Variants in MGAT5 observed in about 807,000 individuals in gnomAD.
MGAT5 encodes alpha-1,6-mannosylglycoprotein 6-beta-N-acetylglucosaminyltransferase, also known as alpha-1,6-mannosylglycoprotein 6-beta-N-acetylglucosaminyltransferase A.
MGAT5 carries 30 observed loss-of-function variants against 94.3 expected under a neutral mutation model. The ratio of observed to expected loss-of-function variants is 0.32; its 90% CI spans 0.24 to 0.43. The LOEUF (loss-of-function observed/expected upper bound fraction) is 0.43, where lower values mean the gene tolerates loss of function less well. Among genes scored for constraint, MGAT5 ranks in the 20% least tolerant of loss-of-function variants. MGAT5 has a pLI of 1.00. For missense variants in MGAT5, 691 were observed against 905.5 expected, an observed-to-expected ratio of 0.76 and a Z score of 3.04; for synonymous variants, 310 against 322.9, an observed-to-expected ratio of 0.96 and a Z score of 0.43.
At chr2:134,439,675 C>T (rs930831761) in intron 14 of MGAT5, among the ~76,000 whole-genome samples, 6 of 151,862 alleles carry the variant, frequency 4.0e-5, no homozygotes, top group African/African-American at 1.5e-4. Flanking sequence ...CCAGCCTGGG[C>T]GACAGAACAA....
At chr2:134,156,426 C>T (rs901801607) in intron 1 of MGAT5, among the ~76,000 whole-genome samples, 7 of 152,144 alleles carry the variant, frequency 4.6e-5, no homozygotes, top group South Asian at 2.1e-4. Flanking sequence ...AGGTTGTTAA[C>T]GACTCCTGCC....
At chr2:134,280,195 A>T (rs1352842235) in intron 2 of MGAT5, among the ~76,000 whole-genome samples, 1 of 152,170 alleles carries the variant, frequency 6.6e-6, no homozygotes, top group Non-Finnish European at 1.5e-5. Flanking sequence ...CGGGGTGAAG[A>T]TGGTTTGAAA....
At chr2:134,302,171 A>G (rs1686059672) in intron 2 of MGAT5, among the ~76,000 whole-genome samples, 1 of 152,222 alleles carries the variant, frequency 6.6e-6, no homozygotes, top group Admixed American at 6.5e-5. Context: ...GCTTGGGCAT[A>G]TTCCAATAAG....
intron 2 of MGAT5, among the ~76,000 whole-genome samples, chr2:134,301,309 C>T (rs10210993): frequency 0.17 from 26,559 of 152,114 alleles, 3,433 homozygotes; most frequent in Non-Finnish European, 0.27. Flanking sequence ...CAGTTGTGAG[C>T]TGTTATGAAT....
At chr2:134,310,787 G>C (rs998157536) in intron 2 of MGAT5, among the ~76,000 whole-genome samples, 1 of 152,196 alleles carries the variant, frequency 6.6e-6, no homozygotes, top group Non-Finnish European at 1.5e-5. Context: ...TTCAATGGGA[G>C]ACTATATTCC....
intron 1 of MGAT5, among the ~76,000 whole-genome samples, chr2:134,260,286 T>C (rs7589146): frequency 0.094 from 14,311 of 152,210 alleles, 1,198 homozygotes; most frequent in African/African-American, 0.22. Context: ...GGAAGGAAGT[T>C]TTTTCCTTAA....
At chr2:134,346,153 C>G (rs1240058497) in intron 8 of MGAT5, among the ~76,000 whole-genome samples, 2 of 151,628 alleles carry the variant, frequency 1.3e-5, no homozygotes, top group East Asian at 3.9e-4. Flanking sequence ...TTGTAAACGG[C>G]AGACATCTGA....
At chr2:134,213,427 G>GT (rs1028564428) in intron 1 of MGAT5, among the ~76,000 whole-genome samples, 3 of 151,610 alleles carry the variant, frequency 2.0e-5, no homozygotes, top group Non-Finnish European at 2.9e-5. Flanking sequence ...AAATGTGGGT[G>GT]TTTTTTTCCC....
chr2:134,212,832 G>A (rs973540654), intron 1 of MGAT5, among the ~76,000 whole-genome samples: 1 of 152,118 alleles, frequency 6.6e-6, no homozygotes, highest in Admixed American at 6.5e-5. Flanking sequence ...CAGTTCCAGT[G>A]TATCCAACTA....
chr2:134,294,993 T>TG (rs1358675036), intron 2 of MGAT5, among the ~76,000 whole-genome samples: 1 of 152,176 alleles, frequency 6.6e-6, no homozygotes, highest in African/African-American at 2.4e-5. Context: ...TAAATGACCC[T>TG]GCCTCCTTTG....
chr2:134,318,129 T>TG (rs1687108319), intron 3 of MGAT5, among the ~76,000 whole-genome samples: 1 of 152,172 alleles, frequency 6.6e-6, no homozygotes, highest in African/African-American at 2.4e-5. Flanking sequence ...GACCACTCCC[T>TG]GCTCAGTAGT....
At chr2:134,333,399 A>T (rs1450221959) in intron 4 of MGAT5, among the ~76,000 whole-genome samples, 2 of 131,496 alleles carry the variant, frequency 1.5e-5, no homozygotes, top group Non-Finnish European at 3.1e-5. Flanking sequence ...ACACATGGAC[A>T]CAGGAAGGGG....
At chr2:134,231,756 C>G (rs80279279) in intron 1 of MGAT5, among the ~76,000 whole-genome samples, 2,385 of 152,238 alleles carry the variant, frequency 0.016, 41 homozygotes, top group East Asian at 0.1. Context: ...GGGGAAAGAT[C>G]ACTGGGTTTG....
intron 14 of MGAT5, among the ~76,000 whole-genome samples, chr2:134,431,858 C>T (rs936558616): frequency 6.6e-6 from 1 of 152,198 alleles, no homozygotes; most frequent in Non-Finnish European, 1.5e-5. Flanking sequence ...CAGCAGGAAA[C>T]CCACCTCATA....
intron 1 of MGAT5, among the ~76,000 whole-genome samples, chr2:134,192,511 A>C (rs557766603): frequency 1.3e-5 from 2 of 152,302 alleles, no homozygotes; most frequent in East Asian, 1.9e-4. Flanking sequence ...AAATCAGTAC[A>C]ATTTTACTGA....
intron 1 of MGAT5, among the ~76,000 whole-genome samples, chr2:134,189,607 T>TTTTTTTTTTG (rs1553490430): frequency 1.2e-5 from 1 of 80,616 alleles, no homozygotes; most frequent in Non-Finnish European, 2.3e-5. Context: ...TTTTTGTTTT[T>TTTTTTTTTTG]TTTTTTTTTT....
In MGAT5 at chr2:134,381,391, TAGATAGA is replaced by T. The variant is rs780643709; in HGVS notation, c.1380+18984_1380+18990del. On this transcript the variant is annotated intron_variant, in intron 10 of 15. Transcript: ENST00000281923. ...GATAAGATAAGATAGATTAGATAGA[TAGATAGA>T]TAGATAGATAGATAGATAGATAGAT... 1.7e-4 allele frequency among the ~76,000 whole-genome samples: 14 copies of T among 80,054 alleles called. No individual in the cohort carries two copies. In the East Asian group the frequency reaches 3.2e-3, roughly 18 times the overall value. 52.5% of individuals were successfully genotyped at this position (80,054 alleles called of 152,430 possible).
At chr2:134,141,980 A>C (rs1686679546) in intron 1 of MGAT5, among the ~76,000 whole-genome samples, 1 of 152,104 alleles carries the variant, frequency 6.6e-6, no homozygotes, top group South Asian at 2.1e-4. Context: ...AGGGAATAGG[A>C]GCAAGCCTGG....
At chr2:134,155,285 C>T (rs1687423950) in intron 1 of MGAT5, among the ~76,000 whole-genome samples, 1 of 152,228 alleles carries the variant, frequency 6.6e-6, no homozygotes, top group South Asian at 2.1e-4. Flanking sequence ...TCTCACTTCC[C>T]TGTCTGCACG....
Sources: gnomAD v4.1 joint callset for allele counts (sites outside exome capture counted in the v4.1 genomes callset) on GRCh38, gnomAD v4.1.1 for gene constraint, MANE v1.5 for transcripts, NCBI Gene and HGNC (gene_info 2026-07-23, HGNC 2026-07-21) for gene names.